The following KDM4C variants were observed in gnomAD, a reference collection of about 807,000 sequenced individuals.
KDM4C encodes lysine-specific demethylase 4C.
KDM4C carries 81 observed loss-of-function variants against 129.3 expected under a neutral mutation model. The observed-to-expected ratio is 0.63, with a 90% CI of 0.52 to 0.75. KDM4C has a LOEUF of 0.75. Ranked by LOEUF, KDM4C falls within the 30% of genes least tolerant of loss-of-function variation. The probability of loss-of-function intolerance (pLI) is 0.00; values close to 1 mark genes in which losing one functional copy is unlikely to be tolerated. For missense variants in KDM4C, 1,457 were observed against 1,304.0 expected (o/e 1.12, Z -1.81); for synonymous variants, 573 against 456.1 (o/e 1.26, Z -3.26).
At chr9:6,984,467 A>G in intron 10 of KDM4C, 63 bp downstream of exon 10, 1 of 1,057,692 alleles carries the variant, frequency 9.5e-7, no homozygotes, top group Non-Finnish European at 1.4e-6. Flanking sequence ...CAGATGTCTT[A>G]AATGGATGTT....
At chr9:6,968,158 C>T (rs1831329252) in intron 8 of KDM4C, among the ~76,000 whole-genome samples, 2 of 152,136 alleles carry the variant, frequency 1.3e-5, no homozygotes, top group Admixed American at 6.5e-5. Flanking sequence ...AGGCCTCCTT[C>T]ACCTTATGAA....
At chr9:6,764,696 T>C (rs909220643) in intron 1 of KDM4C, among the ~76,000 whole-genome samples, 1 of 152,232 alleles carries the variant, frequency 6.6e-6, no homozygotes, top group African/African-American at 2.4e-5. Flanking sequence ...TCAAATTTAT[T>C]CTGGATTCTT....
intron 1 of KDM4C, among the ~76,000 whole-genome samples, chr9:6,789,477 C>T (rs1404834935): frequency 6.6e-6 from 1 of 152,132 alleles, no homozygotes; most frequent in Non-Finnish European, 1.5e-5. Context: ...ACCTCAGCCT[C>T]CCAAAGTGTT....
At chr9:7,135,078 C>G (rs894593794) in intron 19 of KDM4C, among the ~76,000 whole-genome samples, 3 of 152,182 alleles carry the variant, frequency 2.0e-5, no homozygotes, top group Non-Finnish European at 2.9e-5. Context: ...GCAGTTGCAT[C>G]TTGTTCCTTT....
At chr9:6,761,924 A>G (rs1000119860) in intron 1 of KDM4C, among the ~76,000 whole-genome samples, 3 of 151,854 alleles carry the variant, frequency 2.0e-5, no homozygotes, top group African/African-American at 7.3e-5. Flanking sequence ...TCTCCTCCTC[A>G]GCCTCCCGAG....
At chr9:7,042,069 C>T (rs767915602) in intron 15 of KDM4C, among the ~76,000 whole-genome samples, 14 of 152,000 alleles carry the variant, frequency 9.2e-5, no homozygotes, top group Non-Finnish European at 1.6e-4. Context: ...TTATCTAGAA[C>T]CACAGTTAAT....
At chr9:6,889,369 T>C (rs907339258) in intron 7 of KDM4C, among the ~76,000 whole-genome samples, 2 of 152,032 alleles carry the variant, frequency 1.3e-5, no homozygotes, top group East Asian at 1.9e-4. Flanking sequence ...ACGCACAAGA[T>C]ATGCTTGCTT....
At chr9:6,731,234 A>C (rs866539133) in intron 1 of KDM4C, among the ~76,000 whole-genome samples, 2 of 152,176 alleles carry the variant, frequency 1.3e-5, no homozygotes, top group African/African-American at 2.4e-5. Context: ...GGAGAAAAAC[A>C]AAACGTGGTC....
chr9:6,952,930 C>G lies in KDM4C; in HGVS notation c.922-27995C>G, dbSNP rs150752162. 4.3e-3 allele frequency among the ~76,000 whole-genome samples: 648 copies of G among 152,158 alleles called. 2 individuals are homozygous for G. The highest frequency in any genetic ancestry group is 7.2e-3 in the Non-Finnish European group (488 of 68,022). ...CGGTTTGCAGTCGGGGGAGGGAGAT[C>G]TAATATTTTTAAAGATTTTACTTCT... On this transcript the variant is annotated intron_variant, in intron 8 of 21. Transcript: ENST00000381309.
intron 5 of KDM4C, among the ~76,000 whole-genome samples, chr9:6,863,787 C>T (rs745668288): frequency 7.3e-6 from 1 of 137,784 alleles, no homozygotes; most frequent in Non-Finnish European, 1.5e-5. Context: ...CAGCGAGACT[C>T]CATCTCAAAA....
chr9:6,856,905 C>T (rs1357247173), intron 5 of KDM4C, among the ~76,000 whole-genome samples: 4 of 151,840 alleles, frequency 2.6e-5, no homozygotes, highest in African/African-American at 7.3e-5. Context: ...CTACAGGCGC[C>T]CGCCACCGCG....
At position 6,903,112 on chromosome 9, in the gene KDM4C, G is replaced by A. The variant is rs569028776; in HGVS notation, c.921+9880G>A. Among the ~76,000 whole-genome samples, 18 of 152,066 alleles carry A rather than the reference G, an allele frequency of 1.2e-4. No individual in the cohort carries two copies. The South Asian group carries it at 3.7e-3, about 32-fold the overall frequency. On this transcript the variant is annotated intron_variant, in intron 8 of 21. Transcript: ENST00000381309. ...TGATTCGATTAAAAAAACCCAATTA[G>A]TTTCTATTAACTGTTTAAAATTTTC...
chr9:6,911,784 A>C (rs1819363043), intron 8 of KDM4C, among the ~76,000 whole-genome samples: 1 of 152,304 alleles, frequency 6.6e-6, no homozygotes, highest in Middle Eastern at 3.4e-3. Flanking sequence ...ACCCAGCTGA[A>C]TGTTTCTGGC....
At chr9:6,778,676 AG>A (rs1223263165) in intron 1 of KDM4C, among the ~76,000 whole-genome samples, 1 of 151,866 alleles carries the variant, frequency 6.6e-6, no homozygotes, top group Non-Finnish European at 1.5e-5. Flanking sequence ...CTGAGGCAGG[AG>A]AATCTCTTGA....
At chr9:6,748,289 C>G (rs1588062159) in intron 1 of KDM4C, among the ~76,000 whole-genome samples, 1 of 152,050 alleles carries the variant, frequency 6.6e-6, no homozygotes, top group South Asian at 2.1e-4. Context: ...AGGTGGATCA[C>G]CTGAGGTCGG....
In KDM4C at chr9:6,974,610, G is replaced by A. The variant is rs1014234690; in HGVS notation, c.922-6315G>A. Among the ~76,000 whole-genome samples, 6 of 152,076 alleles carry A rather than the reference G, an allele frequency of 3.9e-5. No individual in the cohort carries two copies. In the East Asian group the frequency reaches 5.8e-4, roughly 15 times the overall value. ...TGACCTCAGGTGCTCTGCCCGCTTC[G>A]GCCTCTGAAAGTGCTGGGATTCCAG... is the stretch of plus-strand genomic sequence containing the variant. On this transcript the variant is annotated intron_variant, in intron 8 of 21. Coordinates refer to ENST00000381309, the MANE Select transcript of KDM4C (RefSeq NM_015061.6).
Position 7,049,080 on chromosome 9 carries a change from C to G in KDM4C, c.2316-12C>G. The G allele has an allele frequency of 1.3e-6, 2 of 1,591,782 alleles. No homozygotes were observed. The highest frequency in any genetic ancestry group is 1.7e-6 in the Non-Finnish European group (2 of 1,161,178). On this transcript the variant is annotated splice_polypyrimidine_tract_variant and intron_variant, in intron 16 of 21. Coordinates refer to ENST00000381309, the MANE Select transcript of KDM4C (RefSeq NM_015061.6). ...GAACTTTTGTTTATGTTTAATGTCT[C>G]CTTTCCTGTAGGTGGGCCCATGTCA...
In KDM4C at chr9:6,780,600, C is replaced by G. The variant is rs549910339; in HGVS notation, c.-17-12372C>G. Among the ~76,000 whole-genome samples the G allele has an allele frequency of 4.6e-5, 7 of 151,684 alleles. No homozygotes were observed. The East Asian group carries it at 1.4e-3, about 30-fold the overall frequency. ...CTGGAAACATGGCAAAACCTTGTCT[C>G]TACAAAAAATACGAAAATTAGCCGG... On this transcript the variant is annotated intron_variant, in intron 1 of 21. Coordinates refer to ENST00000381309, the MANE Select transcript of KDM4C (RefSeq NM_015061.6).
chr9:6,835,419 C>T (rs7030531), intron 4 of KDM4C: 307,814 of 1,147,810 alleles, frequency 0.27, 43,862 homozygotes, highest in East Asian at 0.45. Flanking sequence ...TGGCGCCCAG[C>T]ACGATGAAGA....
Sources: allele counts gnomAD v4.1 joint callset (sites outside exome capture counted in the v4.1 genomes callset), GRCh38; gene constraint gnomAD v4.1.1; transcripts MANE v1.5; gene names NCBI Gene and HGNC (gene_info 2026-07-23, HGNC 2026-07-21).